LAMC3: variants seen among roughly 807,000 people sequenced by gnomAD.
The protein encoded by LAMC3 is laminin subunit gamma-3.
A neutral mutation model predicts 173.8 loss-of-function variants in LAMC3; 128 were observed. That is an observed-to-expected ratio of 0.74 (90% CI 0.64 to 0.85). The LOEUF is 0.85. Ranked by LOEUF, LAMC3 falls within the 40% of genes least tolerant of loss-of-function variation. LAMC3 has a pLI of 0.00. For missense variants in LAMC3, 2,022 were observed against 2,156.0 expected, an observed-to-expected ratio of 0.94 and a Z score of 1.23; for synonymous variants, 897 against 909.1, an observed-to-expected ratio of 0.99 and a Z score of 0.24.
intron 1 of LAMC3, among the ~76,000 whole-genome samples, chr9:131,020,810 A>G (rs1225078727): frequency 6.6e-6 from 1 of 152,160 alleles, no homozygotes; most frequent in East Asian, 1.9e-4. Context: ...GCATAGAGAG[A>G]CTAGGGGAGG....
Position 131,072,777 on chromosome 9 carries a change from C to A in LAMC3, c.3359C>A (p.Ala1120Glu), listed in dbSNP as rs1258329073. The change falls in exon 19 of 28, where the codon GCA (alanine) becomes GAA (glutamate). Residue 1120 changes from alanine to glutamate, a missense_variant. Physicochemically the swap from Ala to Glu is moderately radical, Grantham distance 107. Transcript: ENST00000361069. ...KTCTQLADLE[A>E]VLESSEEEIL... is the part of the protein sequence containing the mutation. ...TGCACCCAGCTGGCAGACCTGGAGGCAGTGCTGGAGTCCTCGGAAGAGGAG... is the reference window on the plus strand; with the variant it reads ...TGCACCCAGCTGGCAGACCTGGAGGAAGTGCTGGAGTCCTCGGAAGAGGAG... The A allele has an allele frequency of 1.9e-6, 3 of 1,613,468 alleles. No homozygotes were observed. Among genetic ancestry groups the A allele is most frequent in the Admixed American group, 3.3e-5 (2 of 59,894 alleles).
At chr9:131,077,694 A>G (rs1166031108) in intron 22 of LAMC3, among the ~76,000 whole-genome samples, 1 of 147,990 alleles carries the variant, frequency 6.8e-6, no homozygotes, top group African/African-American at 2.5e-5. Flanking sequence ...AAAAAAAAAA[A>G]AAAAAAAAAA....
At chr9:131,038,778 T>G in intron 4 of LAMC3, 86 bp from the exon 5 acceptor site, 2 of 1,381,974 alleles carry the variant, frequency 1.4e-6, no homozygotes, top group Non-Finnish European at 2.0e-6. Flanking sequence ...GCCTGCTCAT[T>G]TAGCACAGGG....
chr9:131,031,023 T>C (rs116452194), intron 2 of LAMC3, among the ~76,000 whole-genome samples: 285 of 152,330 alleles, frequency 1.9e-3, no homozygotes, highest in African/African-American at 6.6e-3. Context: ...CTTTAGTGTT[T>C]GGGTGCTGGA....
intron 24 of LAMC3, among the ~76,000 whole-genome samples, chr9:131,083,351 C>T (rs372742960): frequency 4.6e-5 from 7 of 152,168 alleles, no homozygotes; most frequent in African/African-American, 1.7e-4. Context: ...AACCTCTAAC[C>T]CCAGGCTCTT....
chr9:131,064,933 C>T (rs774082270), intron 13 of LAMC3, among the ~76,000 whole-genome samples: 3 of 150,038 alleles, frequency 2.0e-5, no homozygotes, highest in African/African-American at 4.9e-5. Context: ...CCCAGATACT[C>T]GCGAGGCTGA....
At chr9:131,043,960 C>CTTT (rs71389386) in intron 7 of LAMC3, among the ~76,000 whole-genome samples, 9 of 134,030 alleles carry the variant, frequency 6.7e-5, no homozygotes, top group African/African-American at 8.3e-5. Context: ...TGACTTGCTG[C>CTTT]TTTTTTTTTT....
rs200066236 is a variant in LAMC3, at chr9:131,042,814, A to G, written c.1382+1079A>G. ...CTGTCAACACACCCCTTTCACACCC[A>G]CAACAGACATCACTAATGGCATACC... On this transcript the variant is annotated intron_variant, in intron 7 of 27. Transcript: ENST00000361069. Among the ~76,000 whole-genome samples the G allele has an allele frequency of 4.6e-5, 7 of 150,924 alleles. No homozygotes were observed. The East Asian group carries it at 1.4e-3, about 30-fold the overall frequency.
intron 3 of LAMC3, among the ~76,000 whole-genome samples, chr9:131,033,452 A>G (rs1392712111): frequency 1.3e-5 from 2 of 152,022 alleles, no homozygotes; most frequent in African/African-American, 4.8e-5. Flanking sequence ...GATGGGACCC[A>G]AGAGTGGGAA....
chr9:131,084,131 C>G (rs72768533), intron 24 of LAMC3, among the ~76,000 whole-genome samples: 20,909 of 150,762 alleles, frequency 0.14, 1,483 homozygotes, highest in South Asian at 0.21. Flanking sequence ...GATCTACCTG[C>G]CTCCGCCTCC....
intron 13 of LAMC3, among the ~76,000 whole-genome samples, chr9:131,063,196 C>T (rs531691868): frequency 3.3e-5 from 5 of 152,330 alleles, no homozygotes; most frequent in South Asian, 2.1e-4. Context: ...GCTCCAGAGC[C>T]GGGAGCTCAA....
chr9:131,018,365 G>T (rs13291531), intron 1 of LAMC3, among the ~76,000 whole-genome samples: 1 of 151,934 alleles, frequency 6.6e-6, no homozygotes, highest in African/African-American at 2.4e-5. Context: ...GAACTCCTGA[G>T]CTCAGGTGAT....
chr9:131,039,005 A>G lies in LAMC3; in HGVS notation c.1118A>G (p.His373Arg), dbSNP rs780396248. 1 of 1,613,386 alleles carries G rather than the reference A, an allele frequency of 6.2e-7. No individual in the cohort carries two copies. Among genetic ancestry groups the G allele is most frequent in the Non-Finnish European group, 8.5e-7 (1 of 1,179,998 alleles). ...HCERCQENFY[H>R]WDPRMPCQPC... ...GAGCGCTGTCAGGAGAATTTCTATC[A>G]CTGGGACCCGCGGATGCCATGCCAG... Residue 373 changes from histidine (H) to arginine (R), a missense_variant, in exon 5 of 28, where the codon CAC (histidine) becomes CGC (arginine). His to Arg is a conservative substitution (Grantham distance 29). Coordinates refer to ENST00000361069, the MANE Select transcript of LAMC3 (RefSeq NM_006059.4).
Position 131,091,863 on chromosome 9 carries a change from G to A in LAMC3, c.*76G>A. ...CCAGGGGGTGCACACTACCCCACAG[G>A]TGTGCCCATACAGACATTCCCCGGA... On this transcript the variant is annotated 3_prime_UTR_variant, in exon 28 of 28. Transcript: ENST00000361069. 1 of 1,562,610 alleles carries A rather than the reference G, an allele frequency of 6.4e-7. No individual in the cohort carries two copies. The highest frequency in any genetic ancestry group is 8.7e-7 in the Non-Finnish European group (1 of 1,150,652).
At position 131,093,493 on chromosome 9, in the gene LAMC3, C is replaced by A; in HGVS notation, c.*1706C>A. ...CCAGGCAAGAGGGTGGACAACAGTC[C>A]GGGGCCCGCAGGGTTGGGGCTCGGC... On this transcript the variant is annotated 3_prime_UTR_variant, in exon 28 of 28. Transcript: ENST00000361069. The A allele has an allele frequency of 6.6e-6, 1 of 152,400 alleles. No individual in the cohort carries two copies. Among genetic ancestry groups the A allele is most frequent in the Non-Finnish European group, 1.5e-5 (1 of 68,150 alleles). The allele number at this position is 152,400 out of a possible 1,614,324, so 9.4% of individuals were successfully genotyped here.
intron 11 of LAMC3, among the ~76,000 whole-genome samples, chr9:131,055,039 C>G (rs892454387): frequency 6.6e-6 from 1 of 152,168 alleles, no homozygotes; most frequent in South Asian, 2.1e-4. Flanking sequence ...TATTGACAGG[C>G]GCTTAAGTGG....
At position 131,029,366 on chromosome 9, in the gene LAMC3, G is replaced by A. The variant is rs569339819; in HGVS notation, c.679-2679G>A. Among the ~76,000 whole-genome samples the A allele has an allele frequency of 3.9e-5, 6 of 152,342 alleles. No homozygotes were observed. The East Asian group carries it at 5.8e-4, about 15-fold the overall frequency. The stretch of plus-strand genomic sequence containing the variant: ...CTGTAGATTAGAAAACGTCACCCGA[G>A]GTCAGATGAAGACAGGCAGGGAGGG... On this transcript the variant is annotated intron_variant, in intron 2 of 27. Coordinates refer to ENST00000361069, the MANE Select transcript of LAMC3 (RefSeq NM_006059.4). The surrounding 1 kb of genome is among the most constrained non-coding windows in gnomAD (Gnocchi z 4.6).
At chr9:131,045,773 C>G in intron 8 of LAMC3, 113 bp downstream of exon 8, 1 of 1,322,762 alleles carries the variant, frequency 7.6e-7, no homozygotes, top group Non-Finnish European at 1.1e-6. Flanking sequence ...AGAGGAGCCA[C>G]AGGCCTGCAC....
intron 25 of LAMC3, among the ~76,000 whole-genome samples, chr9:131,086,338 A>G (rs1252304159): frequency 6.6e-6 from 1 of 151,036 alleles, no homozygotes; most frequent in Non-Finnish European, 1.5e-5. Flanking sequence ...TTGGCCTCCC[A>G]AAGTGCTGGG....
Sources: allele counts gnomAD v4.1 joint callset (sites outside exome capture counted in the v4.1 genomes callset), GRCh38; gene constraint gnomAD v4.1.1; non-coding constraint Gnocchi (gnomAD v3.1); transcripts MANE v1.5; gene names NCBI Gene and HGNC (gene_info 2026-07-23, HGNC 2026-07-21).